NBEAL1: variants seen among roughly 807,000 people sequenced by gnomAD.
NBEAL1 encodes neurobeachin like 1.
In NBEAL1, 273 loss-of-function variants were observed where a neutral mutation model predicts 351.3. That is an observed-to-expected ratio of 0.78 (90% CI 0.70 to 0.86). The LOEUF is 0.86. NBEAL1 is among the 40% of genes least tolerant of loss of function. NBEAL1 has a pLI of 0.00. For missense variants in NBEAL1, 2,961 were observed against 3,201.3 expected (o/e 0.92, Z 1.81); for synonymous variants, 1,050 against 1,086.4 (o/e 0.97, Z 0.66).
At position 203,053,766 on chromosome 2, in the gene NBEAL1, C is replaced by A. The variant is rs1220326277; in HGVS notation, c.306-2661C>A. Among the ~76,000 whole-genome samples, 4 of 152,202 alleles carry A rather than the reference C, an allele frequency of 2.6e-5. No homozygotes were observed. The South Asian group carries it at 8.3e-4, about 32-fold the overall frequency. Reference sequence around the variant, plus strand: ...CTCCTGGGCTCAAGCGATCCTCCCACCTCACCCTCCCAAAATATTGGGATT... The same window carrying A: ...CTCCTGGGCTCAAGCGATCCTCCCAACTCACCCTCCCAAAATATTGGGATT... On this transcript the variant is annotated intron_variant, in intron 4 of 55. Coordinates refer to ENST00000683969, the MANE Select transcript of NBEAL1 (RefSeq NM_001378026.1).
intron 31 of NBEAL1, among the ~76,000 whole-genome samples, chr2:203,144,334 T>G (rs72934583): frequency 0.093 from 14,132 of 152,204 alleles, 765 homozygotes; most frequent in Non-Finnish European, 0.13. Flanking sequence ...AATTGCACTT[T>G]GAGAAAACAA....
chr2:203,148,843 A>C (rs1372476125), intron 33 of NBEAL1, 148 bp from the exon 34 acceptor site: 3 of 495,360 alleles, frequency 6.1e-6, no homozygotes, highest in Non-Finnish European at 1.0e-5. Flanking sequence ...AAATGATTCT[A>C]ATGGAATAAG....
At chr2:203,047,527 A>G (rs1384666316) in intron 3 of NBEAL1, among the ~76,000 whole-genome samples, 1 of 152,044 alleles carries the variant, frequency 6.6e-6, no homozygotes, top group Non-Finnish European at 1.5e-5. Flanking sequence ...GTCTTCCACA[A>G]GTCTTTTGGA....
chr2:203,034,873 G>T (rs1385236250), intron 2 of NBEAL1, among the ~76,000 whole-genome samples: 1 of 148,892 alleles, frequency 6.7e-6, no homozygotes, highest in African/African-American at 2.4e-5. Context: ...TCTTCTTTTG[G>T]TAGGATATTA....
intron 2 of NBEAL1, among the ~76,000 whole-genome samples, chr2:203,026,322 T>C (rs1220977107): frequency 1.3e-5 from 2 of 152,206 alleles, no homozygotes; most frequent in Non-Finnish European, 2.9e-5. Context: ...TCATATTACC[T>C]GTTTGCACCT....
chr2:203,204,207 G>T (rs1237971792), intron 51 of NBEAL1, among the ~76,000 whole-genome samples: 3 of 148,202 alleles, frequency 2.0e-5, no homozygotes, highest in African/African-American at 7.5e-5. Flanking sequence ...GATTACAGGT[G>T]TGAGCCACCG....
chr2:203,074,044 T>A (rs1035593046), intron 7 of NBEAL1, among the ~76,000 whole-genome samples: 1 of 152,158 alleles, frequency 6.6e-6, no homozygotes, highest in African/African-American at 2.4e-5. Context: ...GTGACTGTAG[T>A]TAGTAACAAT....
chr2:203,116,805 A>G (rs896598339), intron 18 of NBEAL1, among the ~76,000 whole-genome samples: 5 of 150,754 alleles, frequency 3.3e-5, no homozygotes, highest in Admixed American at 3.3e-4. Context: ...AAAAAAAAAA[A>G]AAGGGGGGGG....
chr2:203,175,194 A>G lies in NBEAL1; in HGVS notation c.6371A>G (p.Tyr2124Cys), dbSNP rs756929853. 1.2e-6 allele frequency: 2 copies of G among 1,613,328 alleles called. No individual in the cohort carries two copies. The highest frequency in any genetic ancestry group is 2.2e-5 in the East Asian group (1 of 44,864). The change falls in exon 42 of 56, where the codon TAT (tyrosine) becomes TGT (cysteine). Residue 2124 changes from tyrosine to cysteine, a missense_variant. Transcript: ENST00000683969. ...ATGGGAACTATTGATAAGTTTCACT[A>G]TGGTACTCACTATTCAAATTCTGCG... is the stretch of plus-strand genomic sequence containing the variant. ...DPMGTIDKFH[Y>C]GTHYSNSAGV...
At chr2:203,099,212 G>T (rs751348011) in intron 11 of NBEAL1, among the ~76,000 whole-genome samples, 3 of 151,222 alleles carry the variant, frequency 2.0e-5, no homozygotes. Flanking sequence ...GGAGGCGGAG[G>T]TTGCAGTGAG....
At chr2:203,132,932 A>C (rs1360091771) in intron 26 of NBEAL1, 126 bp from the exon 27 acceptor site, 3 of 569,196 alleles carry the variant, frequency 5.3e-6, no homozygotes, top group Non-Finnish European at 9.3e-6. Context: ...TTAAAATTTG[A>C]ACATACCTAT....
intron 54 of NBEAL1, among the ~76,000 whole-genome samples, chr2:203,211,353 T>C (rs1249359250): frequency 6.6e-6 from 1 of 152,060 alleles, no homozygotes; most frequent in Non-Finnish European, 1.5e-5. Context: ...ATTAAAAAAT[T>C]TTTTAGGCTG....
chr2:203,103,642 T>TGCTA lies in NBEAL1; in HGVS notation c.1270-3774_1270-3771dup, dbSNP rs796452035. On this transcript the variant is annotated intron_variant, in intron 12 of 55. Coordinates refer to ENST00000683969, the MANE Select transcript of NBEAL1 (RefSeq NM_001378026.1). ...GCTGTTTTGGTTAGTTCTTGCCTTT[T>TGCTA]GCTAGCTTTGGGATTGGTTTTCTCT... is the stretch of plus-strand genomic sequence containing the variant. Among the ~76,000 whole-genome samples the TGCTA allele has an allele frequency of 5.4e-3, 827 of 152,286 alleles. 8 individuals carry two copies. Among genetic ancestry groups the TGCTA allele is most frequent in the African/African-American group, 0.019 (788 of 41,566 alleles).
In NBEAL1 at chr2:203,157,720, C is replaced by G; in HGVS notation, c.5609C>G (p.Ser1870Cys). 3.1e-6 allele frequency: 5 copies of G among 1,597,370 alleles called. No homozygotes were observed. Among genetic ancestry groups the G allele is most frequent in the Non-Finnish European group, 4.3e-6 (5 of 1,173,410 alleles). ...DNLGIQHSQP[S>C]SDTLLLEVVK... ...ACAGGTATCCAACACTCACAGCCTT[C>G]CAGTGATACATTGCTTTTGGAAGTA... The change falls in exon 36 of 56, where the codon TCC becomes TGC. Residue 1870 changes from serine to cysteine, a missense_variant. Ser to Cys is a moderately radical substitution (Grantham distance 112). Coordinates refer to ENST00000683969, the MANE Select transcript of NBEAL1 (RefSeq NM_001378026.1).
intron 2 of NBEAL1, among the ~76,000 whole-genome samples, chr2:203,028,335 T>A (rs528085946): frequency 0.02 from 3,021 of 152,154 alleles, 105 homozygotes; most frequent in African/African-American, 0.069. Flanking sequence ...TGATTGGATT[T>A]ATGTTCTAAG....
rs542665360 is a variant in NBEAL1, at chr2:203,214,729, C to T, written c.8070+1076C>T. On this transcript the variant is annotated intron_variant, in intron 55 of 55. Transcript: ENST00000683969. ...ATTGGAGGTTGCAGTGAGCGGATAT[C>T]GTGCTGCTGCACTCCAGCCTGGGTG... is the stretch of plus-strand genomic sequence containing the variant. Among the ~76,000 whole-genome samples the T allele has an allele frequency of 9.2e-5, 14 of 152,286 alleles. No individual in the cohort carries two copies. In the South Asian group the frequency reaches 2.7e-3, roughly 29 times the overall value.
chr2:203,123,342 CTT>C (rs556349216), intron 19 of NBEAL1, among the ~76,000 whole-genome samples: 20 of 138,984 alleles, frequency 1.4e-4, no homozygotes, highest in Non-Finnish European at 2.2e-4. Context: ...TTTCTTTTTT[CTT>C]TTTTTTTTTT....
intron 53 of NBEAL1, among the ~76,000 whole-genome samples, chr2:203,210,387 C>T (rs1308387632): frequency 2.4e-5 from 3 of 127,206 alleles, no homozygotes; most frequent in African/African-American, 9.0e-5. Context: ...AAAGTCTGGG[C>T]GCAGTGGCTC....
chr2:203,197,392 G>T lies in NBEAL1; in HGVS notation c.7128+1G>T. Reference sequence around the variant, plus strand: ...GTCTCAAGGCAGCCCTGAGTTACTGGTAAGTTGATTTTTACCTTTTTCACA... The same window carrying T: ...GTCTCAAGGCAGCCCTGAGTTACTGTTAAGTTGATTTTTACCTTTTTCACA... On this transcript the variant is annotated splice_donor_variant, in intron 48 of 55. Transcript: ENST00000683969. LOFTEE classifies it high-confidence loss of function. 6.3e-7 allele frequency: 1 copy of T among 1,579,444 alleles called. No individual in the cohort carries two copies. The highest frequency in any genetic ancestry group is 8.7e-7 in the Non-Finnish European group (1 of 1,148,954).
Sources: allele counts gnomAD v4.1 joint callset (sites outside exome capture counted in the v4.1 genomes callset), GRCh38; gene constraint gnomAD v4.1.1; transcripts MANE v1.5; gene names NCBI Gene and HGNC (gene_info 2026-07-23, HGNC 2026-07-21).